LRGUK: variants seen among roughly 807,000 people sequenced by gnomAD.
LRGUK encodes leucine rich repeats and guanylate kinase domain containing.
LRGUK carries 65 observed loss-of-function variants against 76.0 expected under a neutral mutation model. The observed-to-expected ratio is 0.85, with a 90% CI of 0.70 to 1.05. The LOEUF is 1.05. Ranked by LOEUF, LRGUK falls within the 50% of genes least tolerant of loss-of-function variation. The pLI is 0.00. For synonymous variants in LRGUK, 268 were observed against 265.6 expected, an observed-to-expected ratio of 1.01 and a Z score of -0.09; for missense variants, 758 against 732.8, an observed-to-expected ratio of 1.03 and a Z score of -0.40.
At chr7:134,211,967 C>G (rs1193411918), downstream of LRGUK, among the ~76,000 whole-genome samples, 1 of 152,182 alleles carries the variant, frequency 6.6e-6, no homozygotes, top group African/African-American at 2.4e-5. Context: ...ACTCTCACCA[C>G]TTCTCTTCTC....
At chr7:134,150,349 C>G (rs1271811671) in intron 5 of LRGUK, among the ~76,000 whole-genome samples, 2 of 151,960 alleles carry the variant, frequency 1.3e-5, no homozygotes, top group East Asian at 3.9e-4. Context: ...GTAGTCCCAG[C>G]TACTCAGGAG....
chr7:134,213,936 A>C (rs1801363101), downstream of LRGUK, among the ~76,000 whole-genome samples: 1 of 152,262 alleles, frequency 6.6e-6, no homozygotes, highest in Non-Finnish European at 1.5e-5. Context: ...TGATCTTTAT[A>C]GGAACAAAAA....
chr7:134,154,891 A>C (rs778001227), intron 5 of LRGUK, among the ~76,000 whole-genome samples: 2 of 152,238 alleles, frequency 1.3e-5, no homozygotes, highest in Admixed American at 6.5e-5. Context: ...CTGTAGACAC[A>C]ATAAACAAGC....
At chr7:134,244,600 TTGG>T (rs1802245689) in intron 16 of LRGUK, among the ~76,000 whole-genome samples, 1 of 152,232 alleles carries the variant, frequency 6.6e-6, no homozygotes, top group Non-Finnish European at 1.5e-5. Context: ...TTTTACACTG[TTGG>T]TGGGACTGTA....
intron 16 of LRGUK, among the ~76,000 whole-genome samples, chr7:134,233,568 A>G (rs2117178860): frequency 6.6e-6 from 1 of 152,308 alleles, no homozygotes; most frequent in African/African-American, 2.4e-5. Context: ...ACCAAGCACC[A>G]TTTCCTTTCA....
intron 16 of LRGUK, among the ~76,000 whole-genome samples, chr7:134,229,244 T>G (rs1256531647): frequency 6.6e-6 from 1 of 152,030 alleles, no homozygotes; most frequent in Non-Finnish European, 1.5e-5. Context: ...ACGTCTGCAG[T>G]CCCAGCTACA....
intron 15 of LRGUK, 61 bp downstream of exon 15, chr7:134,201,637 C>A: frequency 8.0e-7 from 1 of 1,253,002 alleles, no homozygotes; most frequent in Non-Finnish European, 1.2e-6. Flanking sequence ...GAAAACAAAT[C>A]TGAGTTGCTA....
At chr7:134,207,147 A>T (rs912364277) in intron 15 of LRGUK, among the ~76,000 whole-genome samples, 1 of 152,194 alleles carries the variant, frequency 6.6e-6, no homozygotes, top group Admixed American at 6.5e-5. Context: ...AATTAATTTT[A>T]TATTTTGGTT....
chr7:134,191,879 A>G (rs1800267943), intron 12 of LRGUK, 128 bp downstream of exon 12: 1 of 578,028 alleles, frequency 1.7e-6, no homozygotes, highest in Non-Finnish European at 2.9e-6. Flanking sequence ...GTGAGTTTTT[A>G]TGGGGTTTTT....
rs140349215 is a variant in LRGUK at position 134,258,425 on chromosome 7, C to T, written c.2347+20C>T. On this transcript the variant is annotated intron_variant, in intron 19 of 19. Coordinates refer to the LRGUK transcript ENST00000285928. ...GGAAAGGTATGAGTTAGGCCAAGCG[C>T]GGTGGCTCATGCCTGTAATCCCAGC... 0.01 allele frequency: 16,349 copies of T among 1,609,924 alleles called. 97 individuals are homozygous for T. Among genetic ancestry groups the T allele is most frequent in the Non-Finnish European group, 0.012 (14,174 of 1,177,364 alleles).
chr7:134,222,733 C>T lies in LRGUK; in HGVS notation c.1983+815C>T, dbSNP rs764135547. Among the ~76,000 whole-genome samples, 7 of 152,094 alleles carry T rather than the reference C, an allele frequency of 4.6e-5. No homozygotes were observed. In the Middle Eastern group the frequency reaches 0.01, roughly 222 times the overall value. Reference sequence around the variant, plus strand: ...AAGCGATTCTCCTGCCTCAGCCTCCCGAGTAGCTGGGATTACAGGCATGCG... The same window carrying T: ...AAGCGATTCTCCTGCCTCAGCCTCCTGAGTAGCTGGGATTACAGGCATGCG... On this transcript the variant is annotated intron_variant, in intron 16 of 19. Transcript: ENST00000285928.
Position 134,229,394 on chromosome 7 carries a change from CTATCTATCT to C in LRGUK, c.1983+7477_1983+7485del, listed in dbSNP as rs1301428599. On this transcript the variant is annotated intron_variant, in intron 16 of 19. Coordinates refer to the LRGUK transcript ENST00000285928. ...AAAAAAAATCTATCTATCTATCTAT[CTATCTATCT>C]ATCTATCTATCTATGTTCAGTAACA... Among the ~76,000 whole-genome samples, 164 of 151,836 alleles carry C rather than the reference CTATCTATCT, an allele frequency of 1.1e-3. 2 individuals carry two copies. The highest frequency in any genetic ancestry group is 3.4e-3 in the African/African-American group (142 of 41,398).
chr7:134,222,157 G>T (rs937618011), intron 16 of LRGUK, among the ~76,000 whole-genome samples: 32 of 152,298 alleles, frequency 2.1e-4, no homozygotes, highest in African/African-American at 7.2e-4. Flanking sequence ...TGAAAATTCT[G>T]ACATTCAAAT....
chr7:134,242,664 A>G (rs1041141008), intron 16 of LRGUK, among the ~76,000 whole-genome samples: 3 of 152,212 alleles, frequency 2.0e-5, no homozygotes, highest in Admixed American at 1.3e-4. Context: ...AATTATTCCA[A>G]TCAATAACAA....
downstream of LRGUK, among the ~76,000 whole-genome samples, chr7:134,267,360 AACAATGGGTAC>A (rs1802873416): frequency 1.3e-5 from 2 of 152,210 alleles, no homozygotes; most frequent in Admixed American, 1.3e-4. Flanking sequence ...GTGGGAGCTA[AACAATGGGTAC>A]ACATGGACAT....
intron 18 of LRGUK, among the ~76,000 whole-genome samples, chr7:134,254,044 C>A (rs1040662475): frequency 3.3e-5 from 5 of 152,072 alleles, no homozygotes; most frequent in African/African-American, 9.7e-5. Context: ...AAAAGACATA[C>A]ACAATTCACA....
intron 16 of LRGUK, among the ~76,000 whole-genome samples, chr7:134,239,334 T>C (rs888587527): frequency 6.6e-6 from 1 of 152,120 alleles, no homozygotes; most frequent in Admixed American, 6.5e-5. Context: ...ACCTGGAAAA[T>C]TGGGACACTC....
intron 4 of LRGUK, among the ~76,000 whole-genome samples, chr7:134,144,868 G>A (rs572331879): frequency 3.3e-5 from 5 of 152,248 alleles, no homozygotes; most frequent in South Asian, 2.1e-4. Flanking sequence ...GGGCCGCATC[G>A]TCTTGAGGTT....
At chr7:134,212,463 G>GGTGTCTCTTACACAAAAGAGA (rs1179012741), downstream of LRGUK, among the ~76,000 whole-genome samples, 4 of 152,150 alleles carry the variant, frequency 2.6e-5, no homozygotes, top group African/African-American at 9.7e-5. Context: ...ACAAAAGAGA[G>GGTGTCTCTTACACAAAAGAGA]GTGTCTATGA....
Sources: gnomAD v4.1 joint callset for allele counts (sites outside exome capture counted in the v4.1 genomes callset) on GRCh38, gnomAD v4.1.1 for gene constraint, MANE v1.5 for transcripts, NCBI Gene and HGNC (gene_info 2026-07-23, HGNC 2026-07-21) for gene names.